The following BABAM2 variants were observed in gnomAD, a reference collection of about 807,000 sequenced individuals.
The protein encoded by BABAM2 is BRISC and BRCA1-A complex member 2.
BABAM2 carries 31 observed loss-of-function variants against 54.7 expected under a neutral mutation model. That is an observed-to-expected ratio of 0.57 (90% CI 0.43 to 0.77). BABAM2 has a LOEUF of 0.77. BABAM2 is among the 30% of genes least tolerant of loss of function. The pLI is 0.00. For missense variants in BABAM2, 364 were observed against 455.8 expected (o/e 0.80, Z 1.83); for synonymous variants, 167 against 162.9 (o/e 1.03, Z -0.19).
chr2:27,983,694 T>G (rs1672181193), intron 3 of BABAM2, among the ~76,000 whole-genome samples: 1 of 152,126 alleles, frequency 6.6e-6, no homozygotes, highest in Non-Finnish European at 1.5e-5. Flanking sequence ...AGTTTATTCC[T>G]AAGTATTTTG....
intron 7 of BABAM2, among the ~76,000 whole-genome samples, chr2:28,144,338 C>T (rs894143704): frequency 6.6e-6 from 1 of 152,094 alleles, no homozygotes; most frequent in Non-Finnish European, 1.5e-5. Context: ...TAGGTAATAC[C>T]AGTCACCTGA....
In BABAM2 at chr2:28,183,174, C is replaced by T. The variant is rs142206800; in HGVS notation, c.680+53794C>T. On this transcript the variant is annotated intron_variant, in intron 7 of 11. Coordinates refer to ENST00000379624, the MANE Select transcript of BABAM2 (RefSeq NM_199191.3). ...CAAAATATGGTCAGGCGTGGTGGCT[C>T]ACACCTGTAATCCCAGCACTTTGGG... Among the ~76,000 whole-genome samples, 719 of 152,270 alleles carry T rather than the reference C, an allele frequency of 4.7e-3. 6 individuals are homozygous for T. Among genetic ancestry groups the T allele is most frequent in the African/African-American group, 0.017 (693 of 41,548 alleles).
At chr2:28,268,106 A>G (rs566168015) in intron 10 of BABAM2, among the ~76,000 whole-genome samples, 2 of 152,372 alleles carry the variant, frequency 1.3e-5, no homozygotes, top group Admixed American at 6.5e-5. Flanking sequence ...CTCAAAAACA[A>G]GCAAAACCAG....
intron 5 of BABAM2, among the ~76,000 whole-genome samples, chr2:28,026,897 A>G (rs13409929): frequency 0.072 from 1,446 of 20,028 alleles, 30 homozygotes; most frequent in Non-Finnish European, 0.14. Context: ...GATATATATA[A>G]ATATATATAA....
intron 3 of BABAM2, among the ~76,000 whole-genome samples, chr2:27,961,935 G>C (rs551487044): frequency 2.0e-5 from 3 of 151,698 alleles, no homozygotes; most frequent in Non-Finnish European, 4.4e-5. Context: ...TCACTATGTT[G>C]TCCAGGCTGA....
At chr2:27,936,924 T>A (rs1228201837) in intron 3 of BABAM2, among the ~76,000 whole-genome samples, 1 of 152,092 alleles carries the variant, frequency 6.6e-6, no homozygotes, top group East Asian at 1.9e-4. Context: ...ATTGTGTACA[T>A]GTACCCTGAA....
chr2:28,018,005 A>G (rs1234778823), intron 4 of BABAM2, among the ~76,000 whole-genome samples: 1 of 152,156 alleles, frequency 6.6e-6, no homozygotes, highest in Admixed American at 6.5e-5. Context: ...TAATTTTTGT[A>G]TTTCAGTAGG....
intron 7 of BABAM2, among the ~76,000 whole-genome samples, chr2:28,208,451 A>G (rs989345526): frequency 6.6e-6 from 1 of 152,220 alleles, no homozygotes; most frequent in Admixed American, 6.5e-5. Flanking sequence ...TAGAATCAGA[A>G]CCCAGCCTGA....
intron 6 of BABAM2, among the ~76,000 whole-genome samples, chr2:28,057,872 G>A (rs1027200635): frequency 7.9e-5 from 12 of 152,136 alleles, no homozygotes; most frequent in African/African-American, 2.7e-4. Flanking sequence ...GGCCAGGCAC[G>A]GTGGCTCACG....
At chr2:28,204,629 G>A (rs1000860382) in intron 7 of BABAM2, among the ~76,000 whole-genome samples, 1 of 152,080 alleles carries the variant, frequency 6.6e-6, no homozygotes, top group Middle Eastern at 3.4e-3. Flanking sequence ...TCACTCGGTG[G>A]GAAATTTTTG....
intron 7 of BABAM2, among the ~76,000 whole-genome samples, chr2:28,165,108 G>A (rs1213940547): frequency 6.6e-6 from 1 of 152,202 alleles, no homozygotes; most frequent in Non-Finnish European, 1.5e-5. Context: ...AGCAAAAACA[G>A]ACATCGTCTT....
rs1666474218 is a variant in BABAM2, at chr2:27,910,154, TC to T, written c.128+15473del. ...TTATTGTTTGTTTGTTAGGCCTGTC[TC>T]CCTTAGTAGAGGAGACAAGGCCATT... On this transcript the variant is annotated intron_variant, in intron 2 of 11. Transcript: ENST00000379624. Among the ~76,000 whole-genome samples the T allele has an allele frequency of 2.0e-5, 3 of 152,284 alleles. No individual in the cohort carries two copies. In the South Asian group the frequency reaches 6.2e-4, roughly 32 times the overall value.
At chr2:27,926,114 G>C (rs1313168773) in intron 2 of BABAM2, among the ~76,000 whole-genome samples, 1 of 149,336 alleles carries the variant, frequency 6.7e-6, no homozygotes, top group African/African-American at 2.5e-5. Context: ...TTTCTGTACA[G>C]TAGGCAAAGT....
At chr2:28,149,539 G>A (rs1008947631) in intron 7 of BABAM2, among the ~76,000 whole-genome samples, 3 of 152,198 alleles carry the variant, frequency 2.0e-5, no homozygotes, top group African/African-American at 7.2e-5. Context: ...TGAATACTCA[G>A]GCATTTTAAA....
intron 6 of BABAM2, among the ~76,000 whole-genome samples, chr2:28,046,434 TG>T (rs1276354480): frequency 2.6e-5 from 4 of 152,310 alleles, no homozygotes; most frequent in East Asian, 1.9e-4. Context: ...CACTCCAGCC[TG>T]GGTGATAGAG....
At chr2:28,257,970 A>G (rs899527178) in intron 10 of BABAM2, among the ~76,000 whole-genome samples, 13 of 152,214 alleles carry the variant, frequency 8.5e-5, no homozygotes, top group Non-Finnish European at 1.6e-4. Context: ...TGAGGTCAGG[A>G]ATTCGAGACC....
chr2:28,022,249 T>A (rs1675325788), intron 4 of BABAM2, among the ~76,000 whole-genome samples: 1 of 152,240 alleles, frequency 6.6e-6, no homozygotes, highest in African/African-American at 2.4e-5. Context: ...TTACCACTAT[T>A]CATGAGTTCG....
chr2:28,072,674 T>C (rs1264821367), intron 6 of BABAM2, among the ~76,000 whole-genome samples: 1 of 152,142 alleles, frequency 6.6e-6, no homozygotes, highest in African/African-American at 2.4e-5. Flanking sequence ...CGTGAGCCAC[T>C]GTGCCCGGCC....
chr2:28,204,062 T>G (rs1227995715), intron 7 of BABAM2, among the ~76,000 whole-genome samples: 1 of 152,224 alleles, frequency 6.6e-6, no homozygotes, highest in Non-Finnish European at 1.5e-5. Flanking sequence ...TTTATTTGCT[T>G]TTATCCATTT....
Sources: allele counts gnomAD v4.1 joint callset (sites outside exome capture counted in the v4.1 genomes callset), GRCh38; gene constraint gnomAD v4.1.1; transcripts MANE v1.5; gene names NCBI Gene and HGNC (gene_info 2026-07-23, HGNC 2026-07-21).